Variants in INSR observed in about 807,000 individuals in gnomAD.
The protein encoded by INSR is IR.
INSR carries 67 observed loss-of-function variants against 142.6 expected under a neutral mutation model. That is an observed-to-expected ratio of 0.47 (90% confidence interval 0.39 to 0.58). The LOEUF (loss-of-function observed/expected upper bound fraction) is 0.58, where lower values mean the gene tolerates loss of function less well. Among genes scored for constraint, INSR ranks in the 20% least tolerant of loss-of-function variants. The pLI, the probability that INSR is intolerant of heterozygous loss-of-function variation, is 0.00. For missense variants in INSR, 1,248 were observed against 1,833.2 expected, an observed-to-expected ratio of 0.68 and a Z score of 5.83; for synonymous variants, 756 against 743.1, an observed-to-expected ratio of 1.02 and a Z score of -0.28.
intron 10 of INSR, among the ~76,000 whole-genome samples, chr19:7,151,162 C>CTTTCTCTTTCTTTCTT (rs1359040007): frequency 4.8e-4 from 22 of 45,844 alleles, no homozygotes; most frequent in African/African-American, 1.1e-3. Flanking sequence ...TTCTTTCTTT[C>CTTTCTCTTTCTTTCTT]TCTTTCTTTC....
chr19:7,131,415 G>T (rs934895312), intron 14 of INSR, among the ~76,000 whole-genome samples: 1 of 151,530 alleles, frequency 6.6e-6, no homozygotes, highest in African/African-American at 2.4e-5. Flanking sequence ...GCACGATCTC[G>T]GTTCACTGCA....
intron 2 of INSR, among the ~76,000 whole-genome samples, chr19:7,241,395 G>T (rs996793299): frequency 6.6e-6 from 1 of 151,832 alleles, no homozygotes; most frequent in Non-Finnish European, 1.5e-5. Context: ...TTGCCCAGGC[G>T]GGTGGATCAC....
At chr19:7,177,969 A>G (rs1232322750) in intron 3 of INSR, among the ~76,000 whole-genome samples, 5 of 152,070 alleles carry the variant, frequency 3.3e-5, no homozygotes, top group Non-Finnish European at 7.4e-5. Context: ...GAGGAACTCA[A>G]TGAAGCATAC....
At chr19:7,274,198 C>A (rs1967999015) in intron 1 of INSR, among the ~76,000 whole-genome samples, 1 of 151,918 alleles carries the variant, frequency 6.6e-6, no homozygotes, top group South Asian at 2.1e-4. Context: ...CAGTTAGATT[C>A]TCATAAGGAG....
intron 1 of INSR, among the ~76,000 whole-genome samples, chr19:7,274,732 G>T (rs2145224814): frequency 6.6e-6 from 1 of 150,832 alleles, no homozygotes; most frequent in South Asian, 2.1e-4. Context: ...GTGAACCCAG[G>T]AGGCGGAGCT....
intron 1 of INSR, among the ~76,000 whole-genome samples, chr19:7,289,386 G>T (rs191066446): frequency 1.7e-4 from 25 of 149,388 alleles, no homozygotes; most frequent in African/African-American, 6.3e-4. Context: ...GTGGGTAAAT[G>T]AAGATTCTTT....
At chr19:7,282,453 C>T (rs1227637257) in intron 1 of INSR, among the ~76,000 whole-genome samples, 1 of 152,038 alleles carries the variant, frequency 6.6e-6, no homozygotes, top group Non-Finnish European at 1.5e-5. Context: ...GAGGCTGAGG[C>T]AGGTGGGTGG....
chr19:7,266,095 A>G (rs1967714154), intron 2 of INSR, among the ~76,000 whole-genome samples: 1 of 152,226 alleles, frequency 6.6e-6, no homozygotes, highest in African/African-American at 2.4e-5. Flanking sequence ...GATAGCAATC[A>G]AAGAAATGCA....
At chr19:7,270,774 C>T (rs571939335) in intron 1 of INSR, among the ~76,000 whole-genome samples, 13 of 149,284 alleles carry the variant, frequency 8.7e-5, no homozygotes, top group African/African-American at 2.2e-4. Context: ...AAAAACACAA[C>T]GGCTGGGCGT....
At chr19:7,214,779 CT>C (rs1393345032) in intron 2 of INSR, among the ~76,000 whole-genome samples, 3 of 151,850 alleles carry the variant, frequency 2.0e-5, no homozygotes, top group Non-Finnish European at 4.4e-5. Context: ...CTTCCCTTCC[CT>C]TTTTTTCTTC....
chr19:7,273,883 C>T (rs1967990891), intron 1 of INSR, among the ~76,000 whole-genome samples: 1 of 151,892 alleles, frequency 6.6e-6, no homozygotes, highest in Non-Finnish European at 1.5e-5. Context: ...ATCCCAGCTA[C>T]TCAGGAGGCT....
intron 2 of INSR, among the ~76,000 whole-genome samples, chr19:7,199,453 A>G (rs1974888807): frequency 6.6e-6 from 1 of 151,112 alleles, no homozygotes; most frequent in Non-Finnish European, 1.5e-5. Context: ...GCTGGAGTGC[A>G]ATGGAGCCAT....
chr19:7,270,366 C>CACAA (rs1967885162), intron 1 of INSR, among the ~76,000 whole-genome samples: 1 of 151,652 alleles, frequency 6.6e-6, no homozygotes, highest in African/African-American at 2.4e-5. Context: ...CACACACACA[C>CACAA]ACACACACAC....
In INSR at chr19:7,119,387, G is replaced by A. The variant is rs912321456; in HGVS notation, c.3794+62C>T. 363 of 1,598,068 alleles carry A rather than the reference G, an allele frequency of 2.3e-4. No individual in the cohort carries two copies. The highest frequency in any genetic ancestry group is 2.8e-4 in the Non-Finnish European group (322 of 1,166,214). On this transcript the variant is annotated intron_variant, in intron 21 of 21. Coordinates refer to ENST00000302850, the MANE Select transcript of INSR (RefSeq NM_000208.4). This position sits in a 1 kb window ranked among gnomAD's most constrained non-coding sequence, Gnocchi z 5.2. Reference sequence around the variant, plus strand: ...ATAGGAAAGGCAAAACCAAGCACACGTGTAAAGGGCAATACCCTTTCAACG... The same window carrying A: ...ATAGGAAAGGCAAAACCAAGCACACATGTAAAGGGCAATACCCTTTCAACG...
chr19:7,201,489 G>A (rs1434327130), intron 2 of INSR, among the ~76,000 whole-genome samples: 1 of 151,138 alleles, frequency 6.6e-6, no homozygotes, highest in African/African-American at 2.4e-5. Flanking sequence ...GCTGGGTGTG[G>A]TGGTGGGCGC....
At position 7,231,295 on chromosome 19, in the gene INSR, G is replaced by GTT. The variant is rs59830751; in HGVS notation, c.652+36048_652+36049dup. The stretch of plus-strand genomic sequence containing the variant: ...TGTCTTGTTTTTGGTGGTGTTTTTT[G>GTT]TTTTTTTTTTTTTTTTTTTTTTTGA... On this transcript the variant is annotated intron_variant, in intron 2 of 21. Transcript: ENST00000302850. Among the ~76,000 whole-genome samples, 674 of 134,662 alleles carry GTT rather than the reference G, an allele frequency of 5.0e-3. 17 individuals carry two copies. The highest frequency in any genetic ancestry group is 0.018 in the African/African-American group (627 of 34,828). 88.3% of individuals were successfully genotyped at this position (134,662 alleles called of 152,430 possible).
intron 2 of INSR, among the ~76,000 whole-genome samples, chr19:7,264,687 A>T (rs1318751023): frequency 1.3e-5 from 2 of 152,206 alleles, no homozygotes; most frequent in African/African-American, 4.8e-5. Context: ...CACAAACCCC[A>T]GTTCTGTCTT....
At position 7,294,200 on chromosome 19, in the gene INSR, T is replaced by C. The variant is rs966171407; in HGVS notation, c.-309A>G. ...CGGAGCTCCGCGCTGCGCCCGGGAC[T>C]GTCTCTCGGCTCTCGGCCCCGCGCG... On this transcript the variant is annotated 5_prime_UTR_variant, in exon 1 of 22. Coordinates refer to ENST00000302850, the MANE Select transcript of INSR (RefSeq NM_000208.4). Among the ~76,000 whole-genome samples the C allele has an allele frequency of 1.2e-4, 18 of 150,698 alleles. No homozygotes were observed. Among genetic ancestry groups the C allele is most frequent in the African/African-American group, 4.1e-4 (17 of 41,062 alleles).
chr19:7,193,119 CTTT>C (rs764541723), intron 2 of INSR, among the ~76,000 whole-genome samples: 1 of 139,742 alleles, frequency 7.2e-6, no homozygotes, highest in Admixed American at 7.1e-5. Context: ...TCTTTTTTTT[CTTT>C]TTTTTTTTTT....
Sources: gnomAD v4.1 joint callset for allele counts (sites outside exome capture counted in the v4.1 genomes callset) on GRCh38, gnomAD v4.1.1 for gene constraint, Gnocchi (gnomAD v3.1) non-coding constraint, MANE v1.5 for transcripts, NCBI Gene and HGNC (gene_info 2026-07-23, HGNC 2026-07-21) for gene names.